Variants in ANXA3 observed in about 807,000 individuals in gnomAD.
The protein encoded by ANXA3 is annexin A3.
A neutral mutation model predicts 48.8 loss-of-function variants in ANXA3; 46 were observed. The ratio of observed to expected loss-of-function variants is 0.94; its 90% CI spans 0.74 to 1.21. ANXA3 has a LOEUF of 1.21. Ranked by LOEUF, ANXA3 falls within the 50% of genes most tolerant of loss-of-function variation. The pLI is 0.00. For synonymous variants in ANXA3, 128 were observed against 134.7 expected (o/e 0.95, Z 0.35); for missense variants, 383 against 378.6 (o/e 1.01, Z -0.10).
chr4:78,591,583 C>T lies in ANXA3; in HGVS notation c.443C>T (p.Thr148Ile). ...CTTGGAGATGACATTAGTTCCGAAA[C>T]ATCTGGTGACTTCCGGAAAGCTCTG... ...KSLGDDISSE[T>I]SGDFRKALLT... The change falls in exon 7 of 13, where the codon ACA becomes ATA. Residue 148 changes from threonine to isoleucine, a missense_variant. Thr to Ile is a moderately conservative substitution (Grantham distance 89). Transcript: ENST00000264908. 6.2e-7 allele frequency: 1 copy of T among 1,613,726 alleles called. No homozygotes were observed. The highest frequency in any genetic ancestry group is 8.5e-7 in the Non-Finnish European group (1 of 1,179,720).
chr4:78,577,395 C>A (rs1267373656), intron 3 of ANXA3, among the ~76,000 whole-genome samples: 1 of 152,138 alleles, frequency 6.6e-6, no homozygotes, highest in African/African-American at 2.4e-5. Flanking sequence ...AGAGGAAATA[C>A]AATAAATTCC....
chr4:78,573,128 A>G, intron 2 of ANXA3, 52 bp from the exon 3 acceptor site: 2 of 1,338,946 alleles, frequency 1.5e-6, no homozygotes, highest in South Asian at 2.3e-5. Context: ...CATATGTAAT[A>G]CAAGAAAGAT....
At chr4:78,554,304 ATGC>A in intron 1 of ANXA3, 129 bp from the exon 2 acceptor site, 3 of 666,102 alleles carry the variant, frequency 4.5e-6, no homozygotes, top group East Asian at 5.4e-5. Flanking sequence ...TGTCAGATAT[ATGC>A]TCTTCCTGAG....
chr4:78,568,027 G>C (rs979758533), intron 2 of ANXA3, among the ~76,000 whole-genome samples: 1 of 152,146 alleles, frequency 6.6e-6, no homozygotes, highest in Admixed American at 6.5e-5. Flanking sequence ...TGTCTTATAA[G>C]GATACCAGTG....
At chr4:78,557,347 G>A (rs1722535780) in intron 2 of ANXA3, among the ~76,000 whole-genome samples, 1 of 152,030 alleles carries the variant, frequency 6.6e-6, no homozygotes, top group South Asian at 2.1e-4. Context: ...TGCTTTTAAG[G>A]GTGCGTGTGA....
At chr4:78,580,208 G>C (rs934744730) in intron 4 of ANXA3, among the ~76,000 whole-genome samples, 4 of 152,224 alleles carry the variant, frequency 2.6e-5, no homozygotes, top group Non-Finnish European at 5.9e-5. Context: ...CCTGCAGATA[G>C]AGTGATGAAG....
At chr4:78,561,374 A>G (rs907538853) in intron 2 of ANXA3, among the ~76,000 whole-genome samples, 2 of 152,146 alleles carry the variant, frequency 1.3e-5, no homozygotes, top group African/African-American at 4.8e-5. Context: ...GAAAGGTGCA[A>G]TGTGCTAACA....
In ANXA3 at chr4:78,582,298, C is replaced by G; in HGVS notation, c.312+8C>G. ...CTAAAGAAATCCATGAAGGTATGAG[C>G]CCCCCACAAGCCATTTCTGCCCAGG... On this transcript the variant is annotated splice_region_variant and intron_variant, in intron 5 of 12. Transcript: ENST00000264908. 6.3e-7 allele frequency: 1 copy of G among 1,580,386 alleles called. No homozygotes were observed. The highest frequency in any genetic ancestry group is 8.7e-7 in the Non-Finnish European group (1 of 1,150,142).
At chr4:78,555,460 T>A (rs1722490965) in intron 2 of ANXA3, among the ~76,000 whole-genome samples, 2 of 152,166 alleles carry the variant, frequency 1.3e-5, no homozygotes, top group South Asian at 4.1e-4. Context: ...TTGAATAAAT[T>A]GGTTTAAAAA....
At chr4:78,554,779 A>G (rs1722476551) in intron 2 of ANXA3, among the ~76,000 whole-genome samples, 1 of 152,266 alleles carries the variant, frequency 6.6e-6, no homozygotes, top group African/African-American at 2.4e-5. Context: ...GACATATCAG[A>G]GAAGAAGAGA....
chr4:78,601,301 C>T (rs1327116143), intron 10 of ANXA3, among the ~76,000 whole-genome samples: 1 of 152,160 alleles, frequency 6.6e-6, no homozygotes, highest in Non-Finnish European at 1.5e-5. Flanking sequence ...GAGATAATTA[C>T]TGTGCTAAAG....
At chr4:78,595,272 C>A in intron 7 of ANXA3, 109 bp from the exon 8 acceptor site, 1 of 1,180,916 alleles carries the variant, frequency 8.5e-7, no homozygotes, top group Non-Finnish European at 1.3e-6. Flanking sequence ...TTCTGTGCAA[C>A]CTGTCCTGCC....
intron 2 of ANXA3, among the ~76,000 whole-genome samples, chr4:78,555,674 TA>T (rs113457974): frequency 0.083 from 11,765 of 142,206 alleles, 1,534 homozygotes; most frequent in African/African-American, 0.29. Flanking sequence ...CCCAGTCTCT[TA>T]AAAAAAAAAA....
At chr4:78,552,649 T>C (rs1430937434) in intron 1 of ANXA3, among the ~76,000 whole-genome samples, 2 of 152,200 alleles carry the variant, frequency 1.3e-5, no homozygotes, top group Non-Finnish European at 2.9e-5. Context: ...GATACGAAAT[T>C]GCATAGCCCA....
intron 1 of ANXA3, among the ~76,000 whole-genome samples, chr4:78,553,242 C>T (rs911875359): frequency 1.3e-5 from 2 of 152,226 alleles, no homozygotes. Flanking sequence ...CCATACCTCT[C>T]TGGGCTCCAG....
chr4:78,570,048 G>A (rs896941406), intron 2 of ANXA3, among the ~76,000 whole-genome samples: 2 of 152,160 alleles, frequency 1.3e-5, no homozygotes, highest in Admixed American at 6.5e-5. Flanking sequence ...TAATATTTCC[G>A]AATGATTTGG....
rs185543132 is a variant in ANXA3 at position 78,573,410 on chromosome 4, A to G, written c.103+143A>G. On this transcript the variant is annotated intron_variant, in intron 3 of 12. Transcript: ENST00000264908. ...TAAAATTGTGAAATAACGAGGAAAT[A>G]TATAGAGAACCCAGTTTTATTAAAT... is the stretch of plus-strand genomic sequence containing the variant. The G allele has an allele frequency of 4.3e-4, 268 of 630,546 alleles. 1 individual carries two copies. The Middle Eastern group carries it at 4.5e-3, about 11-fold the overall frequency. The allele number at this position is 630,546 out of a possible 1,614,324, so 39.1% of individuals were successfully genotyped here.
rs1362132470 is a variant in ANXA3, at chr4:78,561,158, G to A, written c.15+6670G>A. 2.6e-5 allele frequency among the ~76,000 whole-genome samples: 4 copies of A among 152,172 alleles called. 1 individual carries two copies. The East Asian group carries it at 7.7e-4, about 29-fold the overall frequency. Reference sequence around the variant, plus strand: ...GGATCCGCGGTGGTAGAAATGTTGGGAAAGGCTGCCAGGATGGACCCTTGC... The same window carrying A: ...GGATCCGCGGTGGTAGAAATGTTGGAAAAGGCTGCCAGGATGGACCCTTGC... On this transcript the variant is annotated intron_variant, in intron 2 of 12. Transcript: ENST00000264908.
At chr4:78,568,345 TA>T (rs1290065865) in intron 2 of ANXA3, among the ~76,000 whole-genome samples, 1 of 152,242 alleles carries the variant, frequency 6.6e-6, no homozygotes, top group African/African-American at 2.4e-5. Context: ...CCTTGTATCA[TA>T]AAGCTTCATG....
Sources: allele counts gnomAD v4.1 joint callset (sites outside exome capture counted in the v4.1 genomes callset), GRCh38; gene constraint gnomAD v4.1.1; transcripts MANE v1.5; gene names NCBI Gene and HGNC (gene_info 2026-07-23, HGNC 2026-07-21).